The following UST variants were observed in gnomAD, a reference collection of about 807,000 sequenced individuals.
UST encodes chondroitin sulfate 2-O-sulfotransferase.
Under a neutral mutation model 45.6 loss-of-function variants are expected in UST, and 21 were observed. The ratio of observed to expected loss-of-function variants is 0.46; its 90% confidence interval spans 0.33 to 0.66. The LOEUF (loss-of-function observed/expected upper bound fraction) is 0.66. UST is among the 30% of genes least tolerant of loss of function. The pLI is 0.02. For synonymous variants in UST, 215 were observed against 200.6 expected, an observed-to-expected ratio of 1.07 and a Z score of -0.61; for missense variants, 463 against 512.4, an observed-to-expected ratio of 0.90 and a Z score of 0.93.
At chr6:148,885,445 C>T (rs1191535386) in intron 1 of UST, among the ~76,000 whole-genome samples, 1 of 152,182 alleles carries the variant, frequency 6.6e-6, no homozygotes, top group East Asian at 1.9e-4. Context: ...ACATCCTATT[C>T]ATGCACGCTC....
chr6:149,069,447 G>C (rs1280878792), intron 7 of UST, among the ~76,000 whole-genome samples: 1 of 152,340 alleles, frequency 6.6e-6, no homozygotes, highest in East Asian at 1.9e-4. Context: ...ACTGGAGTAA[G>C]ATGATAGCTC....
chr6:148,868,485 C>A (rs545847927), intron 1 of UST, among the ~76,000 whole-genome samples: 1 of 152,110 alleles, frequency 6.6e-6, no homozygotes, highest in African/African-American at 2.4e-5. Flanking sequence ...TTGAAAAGAC[C>A]GTGAATATTT....
intron 1 of UST, among the ~76,000 whole-genome samples, chr6:148,858,726 C>A (rs148162015): frequency 0.03 from 4,610 of 152,224 alleles, 89 homozygotes; most frequent in Middle Eastern, 0.078. Context: ...CAGTTCCCAC[C>A]TATGAGTGAG....
At chr6:148,862,896 G>C (rs967807793) in intron 1 of UST, among the ~76,000 whole-genome samples, 2 of 151,104 alleles carry the variant, frequency 1.3e-5, no homozygotes, top group Non-Finnish European at 2.9e-5. Flanking sequence ...TCCCTTTGTG[G>C]GTAACCTGAC....
chr6:148,955,093 T>C (rs1780458966), intron 4 of UST, among the ~76,000 whole-genome samples: 1 of 152,368 alleles, frequency 6.6e-6, no homozygotes. Context: ...GTCAGCCCTC[T>C]GACGGGCACT....
At chr6:149,034,841 T>C (rs1439849792) in intron 7 of UST, among the ~76,000 whole-genome samples, 1 of 9,026 alleles carries the variant, frequency 1.1e-4, no homozygotes, top group Middle Eastern at 0.033. Context: ...TCATTCTCTC[T>C]CTCTCTCTCT....
intron 2 of UST, among the ~76,000 whole-genome samples, chr6:148,920,820 A>G (rs775953727): frequency 9.9e-5 from 15 of 152,096 alleles, no homozygotes; most frequent in Non-Finnish European, 2.1e-4. Context: ...ATTCCTTGTG[A>G]TTTCTTGCCT....
chr6:148,905,888 G>C (rs1248850916), intron 2 of UST, among the ~76,000 whole-genome samples: 1 of 152,148 alleles, frequency 6.6e-6, no homozygotes, highest in Non-Finnish European at 1.5e-5. Flanking sequence ...TGTAACAATA[G>C]CTGGCACACA....
intron 1 of UST, among the ~76,000 whole-genome samples, chr6:148,821,857 A>G (rs148961040): frequency 6.7e-5 from 10 of 148,826 alleles, no homozygotes; most frequent in Non-Finnish European, 1.2e-4. Context: ...ACTTGATTCA[A>G]TGGTCTATAT....
intron 7 of UST, among the ~76,000 whole-genome samples, chr6:149,063,815 T>C (rs1776693118): frequency 6.6e-6 from 1 of 152,208 alleles, no homozygotes; most frequent in Non-Finnish European, 1.5e-5. Context: ...GGGGTATCGC[T>C]TTTGTCCTGA....
intron 7 of UST, among the ~76,000 whole-genome samples, chr6:149,065,004 T>G (rs1409690731): frequency 6.6e-6 from 1 of 152,178 alleles, no homozygotes; most frequent in Non-Finnish European, 1.5e-5. Flanking sequence ...TTCGTCTCTT[T>G]CTTTTAAAAT....
intron 1 of UST, among the ~76,000 whole-genome samples, chr6:148,838,118 A>G (rs1185627238): frequency 1.3e-5 from 2 of 152,244 alleles, no homozygotes; most frequent in African/African-American, 4.8e-5. Flanking sequence ...GCAACTAGGG[A>G]TAGAGTGAAG....
At chr6:149,026,159 A>C (rs1776047524) in intron 7 of UST, among the ~76,000 whole-genome samples, 1 of 140,150 alleles carries the variant, frequency 7.1e-6, no homozygotes, top group African/African-American at 2.5e-5. Flanking sequence ...AAAAAAAAAA[A>C]AAAAAAACAG....
chr6:148,885,094 C>A (rs775597881), intron 1 of UST, among the ~76,000 whole-genome samples: 1 of 152,004 alleles, frequency 6.6e-6, no homozygotes, highest in Non-Finnish European at 1.5e-5. Context: ...GGTACCCGAG[C>A]CTGGAGTTTG....
chr6:148,786,948 C>T (rs1776744925), intron 1 of UST, among the ~76,000 whole-genome samples: 1 of 152,308 alleles, frequency 6.6e-6, no homozygotes, highest in East Asian at 1.9e-4. Context: ...TTTTGATTTA[C>T]ATTTCTCTAA....
chr6:149,063,090 C>A (rs1238486813), intron 7 of UST, among the ~76,000 whole-genome samples: 2 of 152,220 alleles, frequency 1.3e-5, no homozygotes, highest in African/African-American at 2.4e-5. Flanking sequence ...AATCTCCACT[C>A]AGGACCGTAA....
intron 1 of UST, among the ~76,000 whole-genome samples, chr6:148,833,259 G>A (rs1281584749): frequency 6.6e-6 from 1 of 152,300 alleles, no homozygotes. Flanking sequence ...AGGCCAGGGC[G>A]GACGGATTGC....
chr6:148,877,658 TGCGAGGG>T (rs1778708477), intron 1 of UST, among the ~76,000 whole-genome samples: 2 of 75,112 alleles, frequency 2.7e-5, no homozygotes, highest in African/African-American at 1.2e-4. Flanking sequence ...CGTGTATGAG[TGCGAGGG>T]GTCATGTATG....
intron 1 of UST, among the ~76,000 whole-genome samples, chr6:148,754,978 T>A (rs1218139598): frequency 6.6e-6 from 1 of 152,230 alleles, no homozygotes; most frequent in East Asian, 1.9e-4. Flanking sequence ...GTATGATAAT[T>A]CATGGATAGT....
Sources: gnomAD v4.1 joint callset for allele counts (sites outside exome capture counted in the v4.1 genomes callset) on GRCh38, gnomAD v4.1.1 for gene constraint, MANE v1.5 for transcripts, NCBI Gene and HGNC (gene_info 2026-07-23, HGNC 2026-07-21) for gene names.